Variants in TEX9 observed in about 807,000 individuals in gnomAD.
The protein encoded by TEX9 is testis-expressed protein 9.
TEX9 carries 74 observed loss-of-function variants against 59.6 expected under a neutral mutation model. That is an observed-to-expected ratio of 1.24 (90% CI 1.03 to 1.51). The LOEUF (loss-of-function observed/expected upper bound fraction) is 1.51. Among genes scored for constraint, TEX9 ranks in the 40% most tolerant of loss-of-function variants. The pLI, the probability that TEX9 is intolerant of heterozygous loss-of-function variation, is 0.00. For synonymous variants in TEX9, 186 were observed against 152.2 expected (o/e 1.22, Z -1.64); for missense variants, 522 against 447.8 (o/e 1.17, Z -1.49).
intron 1 of TEX9, among the ~76,000 whole-genome samples, chr15:56,299,724 G>A (rs2045296820): frequency 6.6e-6 from 1 of 152,170 alleles, no homozygotes; most frequent in Non-Finnish European, 1.5e-5. Context: ...GTACTGGGTA[G>A]AGTCATAAGG....
At chr15:56,415,907 G>C (rs2049656879) in intron 10 of TEX9, among the ~76,000 whole-genome samples, 1 of 151,584 alleles carries the variant, frequency 6.6e-6, no homozygotes, top group Admixed American at 6.6e-5. Context: ...TGATTTCTTT[G>C]AGCAGTGTTT....
chr15:56,434,062 A>G, intron 12 of TEX9: 2 of 1,445,058 alleles, frequency 1.4e-6, no homozygotes, highest in Non-Finnish European at 1.9e-6. Flanking sequence ...GCTTCTCAGT[A>G]AATGTTTAGT....
rs909025063 is a variant in TEX9, at chr15:56,345,582, G to A, written c.-106-27859G>A. ...TGGGACTACAGGCATGTGCCACTGC[G>A]CCCAGCTTCTTTCCCAGCTTTTTAA... On this transcript the variant is annotated intron_variant, in intron 1 of 5. Transcript: ENST00000560827. 7.2e-5 allele frequency among the ~76,000 whole-genome samples: 11 copies of A among 152,122 alleles called. 1 individual carries two copies. The highest frequency in any genetic ancestry group is 5.8e-4 in the East Asian group (3 of 5,184).
chr15:56,332,467 C>T lies in TEX9; in HGVS notation c.-106-40974C>T, dbSNP rs559113845. ...GGGAATATCACACTCTGGGGACTGT[C>T]GTGGGGTGGGGGGAGGGGGGAGGGA... On this transcript the variant is annotated intron_variant, in intron 1 of 5. Transcript: ENST00000560827. Among the ~76,000 whole-genome samples, 459 of 111,914 alleles carry T rather than the reference C, an allele frequency of 4.1e-3. 2 individuals are homozygous for T. Among genetic ancestry groups the T allele is most frequent in the South Asian group, 0.012 (43 of 3,530 alleles). 73.4% of individuals were successfully genotyped at this position (111,914 alleles called of 152,430 possible).
At chr15:56,441,773 G>A (rs2050817933) in intron 12 of TEX9, among the ~76,000 whole-genome samples, 1 of 152,162 alleles carries the variant, frequency 6.6e-6, no homozygotes, top group Non-Finnish European at 1.5e-5. Flanking sequence ...CCAGCACTTT[G>A]GGAGGCCAAG....
At chr15:56,453,335 T>C in the TEX9 span, among the ~76,000 whole-genome samples, 1 of 152,174 alleles carries the variant, frequency 6.6e-6, no homozygotes, top group East Asian at 1.9e-4. Flanking sequence ...GAAGAACTGC[T>C]AGTATTCCCT....
chr15:56,434,185 C>T (rs867007829), intron 12 of TEX9: 1 of 1,613,764 alleles, frequency 6.2e-7, no homozygotes, highest in South Asian at 1.1e-5. Context: ...AGTTTTTCCA[C>T]AGCCCTCCTG....
At chr15:56,439,411 A>T (rs1038977255) in intron 12 of TEX9, among the ~76,000 whole-genome samples, 1 of 149,872 alleles carries the variant, frequency 6.7e-6, no homozygotes, top group African/African-American at 2.5e-5. Flanking sequence ...GATTCTTCAA[A>T]AATTCATATG....
intron 10 of TEX9, among the ~76,000 whole-genome samples, chr15:56,423,408 C>A (rs754362497): frequency 3.3e-5 from 5 of 152,094 alleles, no homozygotes; most frequent in Non-Finnish European, 5.9e-5. Context: ...CTGTTGATTT[C>A]TAGTTTGAAT....
intron 1 of TEX9, among the ~76,000 whole-genome samples, chr15:56,260,616 C>G (rs2044244332): frequency 6.6e-6 from 1 of 151,874 alleles, no homozygotes; most frequent in African/African-American, 2.4e-5. Flanking sequence ...GATATGTTAT[C>G]CTTTTTACAT....
chr15:56,452,708 C>T, the TEX9 span, among the ~76,000 whole-genome samples: 683 of 151,836 alleles, frequency 4.5e-3, 2 homozygotes, highest in Middle Eastern at 0.01. Context: ...TTAGTAGAGA[C>T]GCGGTTTCAC....
rs570833828 is a variant in TEX9, at chr15:56,316,344, T to C, written c.-106-57097T>C. 5.3e-5 allele frequency among the ~76,000 whole-genome samples: 8 copies of C among 152,184 alleles called. No individual in the cohort carries two copies. In the East Asian group the frequency reaches 1.5e-3, roughly 29 times the overall value. On this transcript the variant is annotated intron_variant, in intron 1 of 5. Transcript: ENST00000560827. ...ATGGGTTTTTGGTGTGGTTGTCCTTTCTGTTTGTTAGTTTTCCTTCTTACA... is the reference window on the plus strand; with the variant it reads ...ATGGGTTTTTGGTGTGGTTGTCCTTCCTGTTTGTTAGTTTTCCTTCTTACA...
intron 12 of TEX9, chr15:56,431,489 G>T (rs182558983): frequency 1.2e-6 from 2 of 1,613,564 alleles, no homozygotes; most frequent in Admixed American, 3.3e-5. Context: ...CACTCTTCTA[G>T]TTCACGTTGC....
intron 12 of TEX9, among the ~76,000 whole-genome samples, chr15:56,433,256 G>A (rs764783065): frequency 1.3e-5 from 2 of 150,738 alleles, no homozygotes; most frequent in African/African-American, 2.5e-5. Flanking sequence ...AGGGCCTGTC[G>A]GGGGGTGGGG....
At chr15:56,364,804 T>C (rs2046866292), upstream of TEX9, among the ~76,000 whole-genome samples, 1 of 152,202 alleles carries the variant, frequency 6.6e-6, no homozygotes, top group South Asian at 2.1e-4. Context: ...ACAATTGAAA[T>C]TGTTAACCGC....
the TEX9 span, among the ~76,000 whole-genome samples, chr15:56,455,500 G>A: frequency 2.0e-5 from 3 of 152,230 alleles, no homozygotes; most frequent in South Asian, 4.1e-4. Context: ...CATGTTTCCT[G>A]TAATATTCTA....
chr15:56,322,915 G>A (rs527357386), intron 1 of TEX9, among the ~76,000 whole-genome samples: 2 of 152,278 alleles, frequency 1.3e-5, no homozygotes, highest in South Asian at 4.2e-4. Flanking sequence ...ATGGTAAAGA[G>A]AGAATGGGGT....
At chr15:56,332,749 A>G (rs1484898005) in intron 1 of TEX9, among the ~76,000 whole-genome samples, 2 of 152,142 alleles carry the variant, frequency 1.3e-5, no homozygotes, top group Non-Finnish European at 2.9e-5. Flanking sequence ...TGGTTTTTGA[A>G]AAGAAAAAAT....
At chr15:56,295,611 T>C (rs2045199345) in intron 1 of TEX9, among the ~76,000 whole-genome samples, 1 of 152,242 alleles carries the variant, frequency 6.6e-6, no homozygotes, top group Admixed American at 6.5e-5. Context: ...TAGCTATTGC[T>C]TTTGCCTTTG....
Sources: allele counts gnomAD v4.1 joint callset (sites outside exome capture counted in the v4.1 genomes callset), GRCh38; gene constraint gnomAD v4.1.1; transcripts MANE v1.5; gene names NCBI Gene and HGNC (gene_info 2026-07-23, HGNC 2026-07-21).